ABCA13: variants seen among roughly 807,000 people sequenced by gnomAD.
The protein encoded by ABCA13 is ATP-binding cassette sub-family A member 13.
A neutral mutation model predicts 478.7 loss-of-function variants in ABCA13; 476 were observed. The observed-to-expected ratio is 0.99, with a 90% CI of 0.92 to 1.07. The LOEUF (loss-of-function observed/expected upper bound fraction) is 1.07, where lower values mean the gene tolerates loss of function less well. Among genes scored for constraint, ABCA13 ranks in the 50% least tolerant of loss-of-function variants. The pLI is 0.00. For synonymous variants in ABCA13, 2,252 were observed against 2,158.9 expected, an observed-to-expected ratio of 1.04 and a Z score of -1.20; for missense variants, 6,060 against 5,910.6, an observed-to-expected ratio of 1.03 and a Z score of -0.83.
intron 7 of ABCA13, among the ~76,000 whole-genome samples, chr7:48,231,761 A>T (rs879763972): frequency 2.6e-5 from 4 of 152,056 alleles, no homozygotes; most frequent in Non-Finnish European, 5.9e-5. Flanking sequence ...TCCTGGGTTC[A>T]AGCAATTCTC....
intron 11 of ABCA13, 129 bp downstream of exon 11, chr7:48,244,832 AT>A: frequency 8.6e-7 from 1 of 1,161,514 alleles, no homozygotes. Context: ...TCATATGCAT[AT>A]TTATGCTTTA....
chr7:48,464,961 T>G (rs1826702798), intron 43 of ABCA13, among the ~76,000 whole-genome samples: 1 of 152,148 alleles, frequency 6.6e-6, no homozygotes, highest in Non-Finnish European at 1.5e-5. Flanking sequence ...CAGGCCAGGC[T>G]GGAGATGGCT....
intron 42 of ABCA13, among the ~76,000 whole-genome samples, chr7:48,437,052 G>C (rs1196730304): frequency 6.6e-6 from 1 of 151,778 alleles, no homozygotes; most frequent in African/African-American, 2.4e-5. Context: ...CTATAGTGTT[G>C]TTCAATTCTC....
intron 41 of ABCA13, among the ~76,000 whole-genome samples, chr7:48,425,938 T>G (rs547016702): frequency 1.2e-4 from 18 of 152,154 alleles, no homozygotes; most frequent in African/African-American, 3.9e-4. Flanking sequence ...AGACGAGGTT[T>G]CACTGTGTTA....
At chr7:48,502,705 T>C (rs1361078303) in intron 48 of ABCA13, among the ~76,000 whole-genome samples, 3 of 152,196 alleles carry the variant, frequency 2.0e-5, no homozygotes, top group African/African-American at 7.2e-5. Context: ...ATAGGAACAT[T>C]TCCTAAATAT....
At chr7:48,606,725 A>T (rs185072777) in intron 58 of ABCA13, among the ~76,000 whole-genome samples, 51 of 152,308 alleles carry the variant, frequency 3.3e-4, no homozygotes, top group Middle Eastern at 3.4e-3. Flanking sequence ...TCTGTCCCTT[A>T]TCGGAGCTCG....
At chr7:48,345,466 T>C (rs1807928445) in intron 29 of ABCA13, among the ~76,000 whole-genome samples, 1 of 152,124 alleles carries the variant, frequency 6.6e-6, no homozygotes, top group African/African-American at 2.4e-5. Context: ...TTGATGATAA[T>C]GACCCTGTGT....
intron 27 of ABCA13, among the ~76,000 whole-genome samples, chr7:48,328,921 A>G (rs190478465): frequency 4.6e-5 from 7 of 152,264 alleles, no homozygotes; most frequent in Admixed American, 4.6e-4. Context: ...ACTCTCATGC[A>G]TTGCTGTTGG....
At chr7:48,321,534 A>G (rs35356824) in intron 27 of ABCA13, among the ~76,000 whole-genome samples, 1 of 152,296 alleles carries the variant, frequency 6.6e-6, no homozygotes, top group East Asian at 1.9e-4. Flanking sequence ...CTGAGCTAGC[A>G]TGTGGTCCTA....
At chr7:48,474,278 T>C (rs1457378800) in intron 45 of ABCA13, among the ~76,000 whole-genome samples, 1 of 152,092 alleles carries the variant, frequency 6.6e-6, no homozygotes, top group East Asian at 1.9e-4. Context: ...TTCTATACCC[T>C]TTTCATAGGG....
chr7:48,216,248 C>T (rs1442877833), intron 3 of ABCA13, among the ~76,000 whole-genome samples: 1 of 152,140 alleles, frequency 6.6e-6, no homozygotes, highest in Non-Finnish European at 1.5e-5. Context: ...ACATTCTCAC[C>T]AATACTTATA....
At chr7:48,212,394 C>T (rs1392632379) in intron 3 of ABCA13, among the ~76,000 whole-genome samples, 1 of 152,158 alleles carries the variant, frequency 6.6e-6, no homozygotes, top group African/African-American at 2.4e-5. Context: ...ATGTTATGAA[C>T]ATTAAAAAAT....
At chr7:48,238,299 C>T (rs1023452658) in intron 8 of ABCA13, among the ~76,000 whole-genome samples, 79 of 152,218 alleles carry the variant, frequency 5.2e-4, no homozygotes, top group African/African-American at 1.5e-3. Context: ...TTTCAAAATA[C>T]GAATTTTGGC....
chr7:48,578,973 G>A (rs1389455781), intron 55 of ABCA13, among the ~76,000 whole-genome samples: 1 of 152,142 alleles, frequency 6.6e-6, no homozygotes, highest in African/African-American at 2.4e-5. Context: ...TTATACCTGT[G>A]ACAAAAATTA....
intron 31 of ABCA13, among the ~76,000 whole-genome samples, chr7:48,363,199 C>T (rs1293480446): frequency 6.6e-6 from 1 of 152,074 alleles, no homozygotes; most frequent in African/African-American, 2.4e-5. Flanking sequence ...ATACGTAAAA[C>T]TCTTTGTAGC....
chr7:48,611,508 A>G (rs1321679946), intron 58 of ABCA13, among the ~76,000 whole-genome samples: 1 of 152,206 alleles, frequency 6.6e-6, no homozygotes, highest in East Asian at 1.9e-4. Flanking sequence ...TACAGGAAGC[A>G]TGGCTAGGGA....
At chr7:48,487,300 C>T (rs1352874580) in intron 47 of ABCA13, among the ~76,000 whole-genome samples, 1 of 137,236 alleles carries the variant, frequency 7.3e-6, no homozygotes, top group Non-Finnish European at 1.5e-5. Context: ...ACGAGCAAAA[C>T]TGTGTCTCAA....
chr7:48,477,780 A>G (rs974861671), intron 45 of ABCA13, among the ~76,000 whole-genome samples: 3 of 151,100 alleles, frequency 2.0e-5, no homozygotes, highest in Non-Finnish European at 4.4e-5. Context: ...TAGGAGATAT[A>G]CTTAATGCTA....
intron 2 of ABCA13, among the ~76,000 whole-genome samples, chr7:48,193,500 G>A (rs1797388336): frequency 1.3e-5 from 2 of 151,826 alleles, no homozygotes; most frequent in Admixed American, 6.6e-5. Context: ...TGATGATGAT[G>A]ACAGAAATGA....
Sources: gnomAD v4.1 joint callset for allele counts (sites outside exome capture counted in the v4.1 genomes callset) on GRCh38, gnomAD v4.1.1 for gene constraint, MANE v1.5 for transcripts, NCBI Gene and HGNC (gene_info 2026-07-23, HGNC 2026-07-21) for gene names.